SHC4: variants seen among roughly 807,000 people sequenced by gnomAD.
SHC4 encodes the protein SHC-transforming protein 4.
Under a neutral mutation model 69.4 loss-of-function variants are expected in SHC4, and 41 were observed. The ratio of observed to expected loss-of-function variants is 0.59; its 90% CI spans 0.46 to 0.77. The LOEUF is 0.77. Ranked by LOEUF, SHC4 falls within the 30% of genes least tolerant of loss-of-function variation. The pLI is 0.00. For synonymous variants in SHC4, 318 were observed against 299.3 expected (o/e 1.06, Z -0.64); for missense variants, 777 against 783.8 (o/e 0.99, Z 0.10).
At chr15:48,921,290 G>T (rs899254767) in intron 2 of SHC4, among the ~76,000 whole-genome samples, 1 of 151,428 alleles carries the variant, frequency 6.6e-6, no homozygotes, top group African/African-American at 2.4e-5. Flanking sequence ...TAGAACAGTG[G>T]TTGCCAGGGG....
intron 10 of SHC4, among the ~76,000 whole-genome samples, chr15:48,838,135 G>A (rs1159778902): frequency 6.6e-6 from 1 of 152,174 alleles, no homozygotes; most frequent in Non-Finnish European, 1.5e-5. Context: ...AAATAGTGAA[G>A]ATTGTATGTT....
rs1031801024 is a variant in SHC4 at position 48,896,096 on chromosome 15, T to C, written c.657-5285A>G. 3.9e-5 allele frequency among the ~76,000 whole-genome samples: 6 copies of C among 152,026 alleles called. No individual in the cohort carries two copies. In the South Asian group the frequency reaches 6.2e-4, roughly 16 times the overall value. Reference sequence around the variant, plus strand: ...GAGCAAGATCCTGTCTCAAAAAAAATAGTAGTTATTAATTTTTTGAATTGG... The same window carrying C: ...GAGCAAGATCCTGTCTCAAAAAAAACAGTAGTTATTAATTTTTTGAATTGG... On this transcript the variant is annotated intron_variant, in intron 2 of 11. Coordinates refer to ENST00000332408, the MANE Select transcript of SHC4 (RefSeq NM_203349.4).
intron 1 of SHC4, among the ~76,000 whole-genome samples, chr15:48,950,223 A>G (rs1179160920): frequency 6.8e-6 from 1 of 146,018 alleles, no homozygotes; most frequent in Non-Finnish European, 1.5e-5. Flanking sequence ...ATTATTATAT[A>G]TAAAATTTAT....
At chr15:48,928,700 G>A (rs1900900362) in intron 1 of SHC4, among the ~76,000 whole-genome samples, 1 of 152,132 alleles carries the variant, frequency 6.6e-6, no homozygotes. Context: ...ACTAAGGCAA[G>A]CCCAAGCATT....
intron 6 of SHC4, among the ~76,000 whole-genome samples, chr15:48,864,540 C>T (rs372933344): frequency 1.8e-4 from 27 of 147,144 alleles, no homozygotes; most frequent in African/African-American, 5.7e-4. Context: ...CTCCGCCTCC[C>T]GGGTTCACAC....
chr15:48,871,841 T>C (rs1381458892), intron 5 of SHC4, among the ~76,000 whole-genome samples: 1 of 152,196 alleles, frequency 6.6e-6, no homozygotes, highest in Non-Finnish European at 1.5e-5. Context: ...AATAACACAA[T>C]GGAGCACTAC....
chr15:48,937,333 G>A (rs1901090150), intron 1 of SHC4, among the ~76,000 whole-genome samples: 1 of 152,070 alleles, frequency 6.6e-6, no homozygotes, highest in African/African-American at 2.4e-5. Flanking sequence ...AAAAACCTGG[G>A]ATTACAGGTC....
At chr15:48,937,783 A>C (rs1210628087) in intron 1 of SHC4, among the ~76,000 whole-genome samples, 1 of 152,202 alleles carries the variant, frequency 6.6e-6, no homozygotes, top group Non-Finnish European at 1.5e-5. Context: ...TACCTAAGAC[A>C]GTAAGTATTG....
At chr15:48,960,052 G>A (rs1200944237) in intron 1 of SHC4, among the ~76,000 whole-genome samples, 1 of 152,214 alleles carries the variant, frequency 6.6e-6, no homozygotes, top group Non-Finnish European at 1.5e-5. Context: ...CTTCATAAGA[G>A]ATGTCATTAG....
intron 3 of SHC4, among the ~76,000 whole-genome samples, chr15:48,888,406 G>T (rs748881728): frequency 5.3e-5 from 8 of 152,142 alleles, no homozygotes; most frequent in Non-Finnish European, 1.0e-4. Flanking sequence ...GAAGTACCTA[G>T]AGTACTCAAA....
intron 1 of SHC4, among the ~76,000 whole-genome samples, chr15:48,950,886 C>G (rs551147186): frequency 1.3e-5 from 2 of 152,188 alleles, no homozygotes; most frequent in African/African-American, 4.8e-5. Flanking sequence ...CCCTGCGGTT[C>G]TTTCTCAGTT....
At chr15:48,878,011 A>C in intron 4 of SHC4, 1 of 794,572 alleles carries the variant, frequency 1.3e-6, no homozygotes, top group Non-Finnish European at 1.9e-6. Flanking sequence ...GAAAACACTG[A>C]GCTACTCCAA....
Position 48,962,920 on chromosome 15 carries a change from G to A in SHC4, c.96C>T (p.Arg32=). 1 of 1,613,320 alleles carries A rather than the reference G, an allele frequency of 6.2e-7. No individual in the cohort carries two copies. The highest frequency in any genetic ancestry group is 8.5e-7 in the Non-Finnish European group (1 of 1,180,034). The change falls in exon 1 of 12, where the codon CGC becomes CGT. Residue 32 remains arginine (R), a synonymous_variant. Transcript: ENST00000332408. The part of the protein sequence containing the change: ...PGMLHRAKYS[R]FRNESITSLD... Reference sequence around the variant, plus strand: ...AGGACGTGATCGACTCGTTCCGAAAGCGGCTGTACTTGGCCCTGTGCAGCA... The same window carrying A: ...AGGACGTGATCGACTCGTTCCGAAAACGGCTGTACTTGGCCCTGTGCAGCA...
At chr15:48,832,817 A>C (rs1339326157) in intron 11 of SHC4, among the ~76,000 whole-genome samples, 11 of 152,104 alleles carry the variant, frequency 7.2e-5, no homozygotes, top group Admixed American at 7.2e-4. Flanking sequence ...TCTTCTGCTT[A>C]ATCAAGTCTG....
At chr15:48,884,780 G>A (rs899191327) in intron 3 of SHC4, among the ~76,000 whole-genome samples, 2 of 152,114 alleles carry the variant, frequency 1.3e-5, no homozygotes, top group South Asian at 2.1e-4. Flanking sequence ...CTCCAATTAC[G>A]TAACTGCTTC....
intron 2 of SHC4, among the ~76,000 whole-genome samples, chr15:48,921,085 C>A (rs1900743223): frequency 6.6e-6 from 1 of 152,038 alleles, no homozygotes; most frequent in African/African-American, 2.4e-5. Context: ...GATGAATAGA[C>A]AAAATGTAGT....
intron 1 of SHC4, among the ~76,000 whole-genome samples, chr15:48,948,467 C>G (rs2141038120): frequency 6.6e-6 from 1 of 152,324 alleles, no homozygotes; most frequent in South Asian, 2.1e-4. Context: ...AACAGGCTAC[C>G]AATATGTCCA....
intron 2 of SHC4, among the ~76,000 whole-genome samples, chr15:48,893,577 GA>G (rs1250526996): frequency 1.3e-5 from 2 of 152,278 alleles, no homozygotes; most frequent in East Asian, 3.9e-4. Context: ...CACACAAAAG[GA>G]GGGAGAAATC....
intron 2 of SHC4, among the ~76,000 whole-genome samples, chr15:48,909,996 G>A (rs548916091): frequency 6.6e-6 from 1 of 152,090 alleles, no homozygotes; most frequent in Admixed American, 6.6e-5. Context: ...TGTTCATCAA[G>A]GATATTGGTC....
Sources: allele counts gnomAD v4.1 joint callset (sites outside exome capture counted in the v4.1 genomes callset), GRCh38; gene constraint gnomAD v4.1.1; transcripts MANE v1.5; gene names NCBI Gene and HGNC (gene_info 2026-07-23, HGNC 2026-07-21).